CTIF: variants seen among roughly 807,000 people sequenced by gnomAD.
CTIF encodes CBP80/20-dependent translation initiation factor.
A neutral mutation model predicts 66.0 loss-of-function variants in CTIF; 21 were observed. That is an observed-to-expected ratio of 0.32 (90% CI 0.23 to 0.46). The LOEUF (loss-of-function observed/expected upper bound fraction) is 0.46, where lower values mean the gene tolerates loss of function less well. Ranked by LOEUF, CTIF falls within the 20% of genes least tolerant of loss-of-function variation. CTIF has a pLI of 1.00. For synonymous variants in CTIF, 345 were observed against 326.4 expected (o/e 1.06, Z -0.62); for missense variants, 739 against 812.7 (o/e 0.91, Z 1.10).
intron 3 of CTIF, among the ~76,000 whole-genome samples, chr18:48,662,914 C>T (rs2091370985): frequency 6.6e-6 from 1 of 152,136 alleles, no homozygotes; most frequent in African/African-American, 2.4e-5. Flanking sequence ...TGATGACAGG[C>T]ATGTGGGTGG....
At chr18:48,670,296 A>G (rs777797481) in intron 5 of CTIF, among the ~76,000 whole-genome samples, 3 of 152,180 alleles carry the variant, frequency 2.0e-5, no homozygotes, top group South Asian at 2.1e-4. Flanking sequence ...CTGCCAGCCT[A>G]TGTGACCTTG....
rs558451032 is a variant in CTIF at position 48,763,004 on chromosome 18, G to A, written c.1371+1315G>A. On this transcript the variant is annotated intron_variant, in intron 9 of 11. Transcript: ENST00000256413. ...TCAGGTTCCCATTCCTGGATCGCCCGCACTCCCCTGGTGACGAATTCCCGC... is the reference window on the plus strand; with the variant it reads ...TCAGGTTCCCATTCCTGGATCGCCCACACTCCCCTGGTGACGAATTCCCGC... Among the ~76,000 whole-genome samples, 6 of 152,154 alleles carry A rather than the reference G, an allele frequency of 3.9e-5. No individual in the cohort carries two copies. In the South Asian group the frequency reaches 6.2e-4, roughly 16 times the overall value.
intron 6 of CTIF, among the ~76,000 whole-genome samples, chr18:48,689,566 C>G (rs1005537427): frequency 6.6e-6 from 1 of 152,152 alleles, no homozygotes; most frequent in Non-Finnish European, 1.5e-5. Context: ...TCTATTTCTT[C>G]AGGAGGATGG....
rs561613047 is a variant in CTIF at position 48,718,853 on chromosome 18, C to T, written c.584+7158C>T. Among the ~76,000 whole-genome samples, 23 of 152,270 alleles carry T rather than the reference C, an allele frequency of 1.5e-4. No homozygotes were observed. In the South Asian group the frequency reaches 4.8e-3, roughly 32 times the overall value. On this transcript the variant is annotated intron_variant, in intron 7 of 11. Coordinates refer to ENST00000256413, the MANE Select transcript of CTIF (RefSeq NM_014772.3). Reference sequence around the variant, plus strand: ...ATGTAAAGATTTCTTTTACTCCAATCAATATCAATATCGCCCCATTCCCGA... The same window carrying T: ...ATGTAAAGATTTCTTTTACTCCAATTAATATCAATATCGCCCCATTCCCGA...
chr18:48,601,065 T>C (rs372769186), intron 1 of CTIF, among the ~76,000 whole-genome samples: 1 of 152,228 alleles, frequency 6.6e-6, no homozygotes, highest in Non-Finnish European at 1.5e-5. Flanking sequence ...TTTCAGGCTT[T>C]GGTCTGGCCT....
At chr18:48,652,212 A>T (rs1323035178) in intron 3 of CTIF, among the ~76,000 whole-genome samples, 2 of 152,214 alleles carry the variant, frequency 1.3e-5, no homozygotes, top group African/African-American at 4.8e-5. Context: ...TTTTGAAAAG[A>T]TCAACAAAAT....
intron 9 of CTIF, among the ~76,000 whole-genome samples, chr18:48,784,268 G>T (rs1015758914): frequency 6.6e-6 from 1 of 152,246 alleles, no homozygotes; most frequent in Non-Finnish European, 1.5e-5. Context: ...ACAGGCCTGA[G>T]TCCCAGCACC....
chr18:48,664,289 G>T (rs2091396882), intron 4 of CTIF, among the ~76,000 whole-genome samples, 158 bp from the exon 5 acceptor site: 1 of 152,194 alleles, frequency 6.6e-6, no homozygotes, highest in Non-Finnish European at 1.5e-5. Context: ...GGTGAGGGGT[G>T]GCACCTGGGG....
At chr18:48,563,242 G>A (rs1427401416) in intron 1 of CTIF, among the ~76,000 whole-genome samples, 2 of 108,590 alleles carry the variant, frequency 1.8e-5, no homozygotes, top group South Asian at 2.9e-4. Flanking sequence ...CCTTGGGGAT[G>A]TAAACTGTAC....
chr18:48,599,649 C>T (rs1202191489), intron 1 of CTIF, among the ~76,000 whole-genome samples: 1 of 152,174 alleles, frequency 6.6e-6, no homozygotes, highest in African/African-American at 2.4e-5. Context: ...CGTCTTAGTG[C>T]CCACCAGACT....
intron 10 of CTIF, among the ~76,000 whole-genome samples, chr18:48,852,479 A>G (rs1376684301): frequency 2.0e-5 from 3 of 152,114 alleles, no homozygotes; most frequent in Admixed American, 6.5e-5. Context: ...AACTTTTTCT[A>G]GAACCTGCTT....
intron 9 of CTIF, among the ~76,000 whole-genome samples, chr18:48,792,156 G>T (rs546899235): frequency 7.2e-4 from 109 of 152,236 alleles, no homozygotes; most frequent in Non-Finnish European, 1.4e-3. Context: ...TTGGAAAAGA[G>T]CTCACCCAGG....
At chr18:48,551,739 G>T (rs1189713405) in intron 1 of CTIF, among the ~76,000 whole-genome samples, 1 of 152,100 alleles carries the variant, frequency 6.6e-6, no homozygotes. Flanking sequence ...GTCTGTAAAC[G>T]CAGGGATTGA....
intron 10 of CTIF, among the ~76,000 whole-genome samples, chr18:48,840,549 G>A (rs1187034807): frequency 1.3e-5 from 2 of 152,062 alleles, no homozygotes; most frequent in Non-Finnish European, 2.9e-5. Context: ...TCTTATCTCC[G>A]AGTCTCTTAG....
intron 7 of CTIF, among the ~76,000 whole-genome samples, chr18:48,722,978 A>G (rs139667099): frequency 1.7e-3 from 266 of 152,356 alleles, no homozygotes; most frequent in African/African-American, 6.2e-3. Context: ...CACTCACTGT[A>G]TTCAGGGCAC....
intron 7 of CTIF, among the ~76,000 whole-genome samples, chr18:48,732,479 T>C (rs554151219): frequency 6.6e-6 from 1 of 152,264 alleles, no homozygotes; most frequent in South Asian, 2.1e-4. Flanking sequence ...GGACCTTTTT[T>C]ATGCCCACCA....
At chr18:48,742,566 T>G (rs1453020017) in intron 7 of CTIF, among the ~76,000 whole-genome samples, 1 of 152,210 alleles carries the variant, frequency 6.6e-6, no homozygotes, top group Non-Finnish European at 1.5e-5. Flanking sequence ...ACTGCTGCCA[T>G]TTCCCGAGTG....
At position 48,551,115 on chromosome 18, in the gene CTIF, G is replaced by A. The variant is rs113131281; in HGVS notation, c.-29+11803G>A. 5.9e-3 allele frequency among the ~76,000 whole-genome samples: 885 copies of A among 149,584 alleles called. 7 individuals are homozygous for A. The Middle Eastern group carries it at 0.065, about 11-fold the overall frequency. On this transcript the variant is annotated intron_variant, in intron 1 of 11. Coordinates refer to ENST00000256413, the MANE Select transcript of CTIF (RefSeq NM_014772.3). ...TAAGGTAAAATGAGATCATGAGAGT[G>A]GGCCCTAATCTAGTATGACTGGTGT...
chr18:48,587,440 T>C (rs1164948238), intron 1 of CTIF, among the ~76,000 whole-genome samples: 1 of 151,772 alleles, frequency 6.6e-6, no homozygotes, highest in Non-Finnish European at 1.5e-5. Context: ...TTTAATACAA[T>C]TAAACCTCCC....
Sources: gnomAD v4.1 joint callset for allele counts (sites outside exome capture counted in the v4.1 genomes callset) on GRCh38, gnomAD v4.1.1 for gene constraint, MANE v1.5 for transcripts, NCBI Gene and HGNC (gene_info 2026-07-23, HGNC 2026-07-21) for gene names.